Variants in NFIX observed in about 807,000 individuals in gnomAD.
The protein encoded by NFIX is nuclear factor 1 X-type.
Under a neutral mutation model 53.3 loss-of-function variants are expected in NFIX, and 2 were observed. That is an observed-to-expected ratio of 0.04 (90% CI 0.02 to 0.12). The LOEUF is 0.12. Among genes scored for constraint, NFIX ranks in the 10% least tolerant of loss-of-function variants. The probability of loss-of-function intolerance (pLI) is 1.00; values close to 1 mark genes in which losing one functional copy is unlikely to be tolerated. For synonymous variants in NFIX, 244 were observed against 289.0 expected, an observed-to-expected ratio of 0.84 and a Z score of 1.58; for missense variants, 310 against 674.5, an observed-to-expected ratio of 0.46 and a Z score of 5.99.
intron 1 of NFIX, among the ~76,000 whole-genome samples, chr19:13,019,868 G>T (rs942912069): frequency 1.3e-5 from 2 of 151,338 alleles, no homozygotes; most frequent in Non-Finnish European, 2.9e-5. Flanking sequence ...GCTTCTCGAT[G>T]ATTTTTCTCT....
chr19:13,080,349 T>A (rs1314999969), intron 7 of NFIX, among the ~76,000 whole-genome samples: 1 of 152,172 alleles, frequency 6.6e-6, no homozygotes, highest in Non-Finnish European at 1.5e-5. Context: ...AGCCTTGAAC[T>A]CCCAGACTCA....
intron 2 of NFIX, among the ~76,000 whole-genome samples, chr19:13,026,394 ACT>A (rs942678034): frequency 4.6e-5 from 7 of 151,554 alleles, no homozygotes; most frequent in Middle Eastern, 3.4e-3. Context: ...AAAAAAAAAA[ACT>A]CTGTAAAATC....
chr19:13,025,132 C>G lies in NFIX; in HGVS notation c.139C>G (p.Arg47Gly). Reference protein sequence around the residue: ...KRKYFKKHEKRMSKDEERAVK... With the variant: ...KRKYFKKHEKGMSKDEERAVK... ...CAAGTACTTCAAGAAGCATGAAAAG[C>G]GGATGTCGAAGGACGAGGAGCGGGC... is the stretch of plus-strand genomic sequence containing the variant. The change falls in exon 2 of 11, where the codon CGG (arginine) becomes GGG (glycine). Residue 47 changes from arginine to glycine, a missense_variant. Arg to Gly is a moderately radical substitution (Grantham distance 125, BLOSUM62 -2). Around this residue, in one of 5 missense-constraint regions of NFIX, gnomAD observed 64 missense variants for 144.5 expected, o/e 0.44. Coordinates refer to ENST00000592199, the MANE Select transcript of NFIX (RefSeq NM_001365902.3). This position sits in a 1 kb window ranked among gnomAD's most constrained non-coding sequence, Gnocchi z 7.5. The G allele has an allele frequency of 6.2e-7, 1 of 1,614,200 alleles. No individual in the cohort carries two copies. The highest frequency in any genetic ancestry group is 8.5e-7 in the Non-Finnish European group (1 of 1,180,040).
rs10409891 is a variant in NFIX at position 13,052,456 on chromosome 19, G to A, written c.560-20591G>A. ...GGTCACCTGAGGATGTCCTGGTGACGATGCAGGAGCTGCCAGGCAGGACCA... is the reference window on the plus strand; with the variant it reads ...GGTCACCTGAGGATGTCCTGGTGACAATGCAGGAGCTGCCAGGCAGGACCA... On this transcript the variant is annotated intron_variant, in intron 2 of 10. Transcript: ENST00000592199. This position sits in a 1 kb window ranked among gnomAD's most constrained non-coding sequence, Gnocchi z 5.2. Among the ~76,000 whole-genome samples the A allele has an allele frequency of 2.0e-5, 3 of 152,296 alleles. No homozygotes were observed. The highest frequency in any genetic ancestry group is 4.4e-5 in the Non-Finnish European group (3 of 68,014).
At chr19:13,023,902 C>T (rs2013113568) in intron 1 of NFIX, 2 of 745,356 alleles carry the variant, frequency 2.7e-6, no homozygotes, top group African/African-American at 1.8e-5. Context: ...ATAATAACCC[C>T]CTTTAAAACA....
At chr19:13,026,739 T>G (rs1190326795) in intron 2 of NFIX, among the ~76,000 whole-genome samples, 2 of 150,738 alleles carry the variant, frequency 1.3e-5, no homozygotes, top group African/African-American at 4.9e-5. Flanking sequence ...TCTCTCTCTC[T>G]CTCTCTGTGT....
chr19:13,023,801 C>T (rs2013105199), intron 1 of NFIX, among the ~76,000 whole-genome samples: 1 of 150,612 alleles, frequency 6.6e-6, no homozygotes, highest in African/African-American at 2.4e-5. Flanking sequence ...ATATTAATTT[C>T]CCCCTTCTGT....
chr19:13,003,367 A>G lies in NFIX; in HGVS notation c.27+7503A>G, dbSNP rs529247494. Among the ~76,000 whole-genome samples, 21 of 152,292 alleles carry G rather than the reference A, an allele frequency of 1.4e-4. No homozygotes were observed. The South Asian group carries it at 4.4e-3, about 32-fold the overall frequency. ...ACGGGACACGCGCAGTCACACGATC[A>G]CATGCCATGAAGCACACAGCACAGA... On this transcript the variant is annotated intron_variant, in intron 1 of 10. Coordinates refer to ENST00000592199, the MANE Select transcript of NFIX (RefSeq NM_001365902.3).
rs945552227 is a variant in NFIX at position 13,012,583 on chromosome 19, C to T, written c.28-12438C>T. ...TTTTTGCCTTAAGGCTAGTTTGTCC[C>T]CCAGGCGCGCGGGGGTTGGGGGTTC... On this transcript the variant is annotated intron_variant, in intron 1 of 10. Coordinates refer to ENST00000592199, the MANE Select transcript of NFIX (RefSeq NM_001365902.3). The surrounding 1 kb of genome is among the most constrained non-coding windows in gnomAD (Gnocchi z 5.0). Among the ~76,000 whole-genome samples, 11 of 152,292 alleles carry T rather than the reference C, an allele frequency of 7.2e-5. 1 individual carries two copies. The highest frequency in any genetic ancestry group is 5.9e-4 in the Admixed American group (9 of 15,302).
At chr19:13,056,473 C>T (rs914590342) in intron 2 of NFIX, among the ~76,000 whole-genome samples, 1 of 152,174 alleles carries the variant, frequency 6.6e-6, no homozygotes, top group Admixed American at 6.5e-5. Context: ...CCCACCCACC[C>T]GGTGGTATTC....
Position 13,051,683 on chromosome 19 carries a change from C to T in NFIX, c.560-21364C>T, listed in dbSNP as rs905205631. Among the ~76,000 whole-genome samples, 3 of 152,198 alleles carry T rather than the reference C, an allele frequency of 2.0e-5. No homozygotes were observed. The South Asian group carries it at 6.2e-4, about 31-fold the overall frequency. ...CCTCCTCCTCCCTTCTTGGCCCTCT[C>T]CTCTCCCTGGGCCTCTTCCCCACGT... is the stretch of plus-strand genomic sequence containing the variant. On this transcript the variant is annotated intron_variant, in intron 2 of 10. Coordinates refer to ENST00000592199, the MANE Select transcript of NFIX (RefSeq NM_001365902.3). The surrounding 1 kb of genome is among the most constrained non-coding windows in gnomAD (Gnocchi z 5.1).
chr19:13,075,924 C>T (rs2017073221), intron 6 of NFIX, among the ~76,000 whole-genome samples: 1 of 152,068 alleles, frequency 6.6e-6, no homozygotes, highest in Admixed American at 6.5e-5. Flanking sequence ...AGAGGGGGTG[C>T]CAAGCCTCTG....
In NFIX at chr19:13,094,824, C is replaced by G; in HGVS notation, c.*175C>G. On this transcript the variant is annotated 3_prime_UTR_variant, in exon 11 of 11. Coordinates refer to ENST00000592199, the MANE Select transcript of NFIX (RefSeq NM_001365902.3). The surrounding 1 kb of genome is among the most constrained non-coding windows in gnomAD (Gnocchi z 4.3). ...CTCCAGCCCGGGGACCCCCGCGGGCCCCAGAAGCAGCCCAGTTCTCAGAGA... is the reference window on the plus strand; with the variant it reads ...CTCCAGCCCGGGGACCCCCGCGGGCGCCAGAAGCAGCCCAGTTCTCAGAGA... 1 of 650,450 alleles carries G rather than the reference C, an allele frequency of 1.5e-6. No individual in the cohort carries two copies. The highest frequency in any genetic ancestry group is 2.6e-6 in the Non-Finnish European group (1 of 380,898). The allele number at this position is 650,450 out of a possible 1,614,324, so 40.3% of individuals were successfully genotyped here. A position where few individuals can be genotyped will look rare whatever the true frequency, so the allele number is the denominator to read the frequency against.
intron 2 of NFIX, among the ~76,000 whole-genome samples, chr19:13,062,934 A>G (rs1474782560): frequency 6.6e-6 from 1 of 152,168 alleles, no homozygotes; most frequent in East Asian, 1.9e-4. Context: ...CCTAACTCCC[A>G]CTTCCCCTTC....
In NFIX at chr19:13,072,148, G is replaced by C. The variant is rs150145805; in HGVS notation, c.560-899G>C. Among the ~76,000 whole-genome samples, 2 of 152,120 alleles carry C rather than the reference G, an allele frequency of 1.3e-5. No individual in the cohort carries two copies. The highest frequency in any genetic ancestry group is 4.8e-5 in the African/African-American group (2 of 41,422). Reference sequence around the variant, plus strand: ...CCTGGCCCCCCTCCACCACCCTCTCGCCAGCTGTCATGCCCAGGCAGGCAT... The same window carrying C: ...CCTGGCCCCCCTCCACCACCCTCTCCCCAGCTGTCATGCCCAGGCAGGCAT... On this transcript the variant is annotated intron_variant, in intron 2 of 10. Coordinates refer to ENST00000592199, the MANE Select transcript of NFIX (RefSeq NM_001365902.3). This position sits in a 1 kb window ranked among gnomAD's most constrained non-coding sequence, Gnocchi z 4.0.
chr19:13,036,109 G>A lies in NFIX; in HGVS notation c.559+10557G>A, dbSNP rs960763473. Among the ~76,000 whole-genome samples the A allele has an allele frequency of 2.6e-5, 4 of 152,210 alleles. No homozygotes were observed. Among genetic ancestry groups the A allele is most frequent in the Admixed American group, 6.5e-5 (1 of 15,284 alleles). ...CTGAGATCCCCACCAAGGGGGCTGC[G>A]GCTGGAGGGAGGGGCCCCTGGGAAG... On this transcript the variant is annotated intron_variant, in intron 2 of 10. Coordinates refer to ENST00000592199, the MANE Select transcript of NFIX (RefSeq NM_001365902.3). The surrounding 1 kb of genome is among the most constrained non-coding windows in gnomAD (Gnocchi z 4.7).
At chr19:13,015,826 G>C (rs1196633434) in intron 1 of NFIX, among the ~76,000 whole-genome samples, 1 of 151,968 alleles carries the variant, frequency 6.6e-6, no homozygotes, top group Non-Finnish European at 1.5e-5. Flanking sequence ...ACACGCACAC[G>C]CACTCTGCAG....
rs1204172164 is a variant in NFIX, at chr19:13,013,302, G to C, written c.28-11719G>C. ...GTTGGTGGAGGAGGAAGCTGGCGTC[G>C]GGCTGAAGTCCCCCGAGCCACCCCT... On this transcript the variant is annotated intron_variant, in intron 1 of 10. Transcript: ENST00000592199. The surrounding 1 kb of genome is among the most constrained non-coding windows in gnomAD (Gnocchi z 5.9). 6.6e-6 allele frequency among the ~76,000 whole-genome samples: 1 copy of C among 152,126 alleles called. No homozygotes were observed. Among genetic ancestry groups the C allele is most frequent in the East Asian group, 1.9e-4 (1 of 5,190 alleles).
chr19:13,091,744 C>G (rs2018152528), intron 10 of NFIX, among the ~76,000 whole-genome samples: 1 of 152,178 alleles, frequency 6.6e-6, no homozygotes, highest in Non-Finnish European at 1.5e-5. Context: ...CCTCCCAGCT[C>G]TGGGCTGGCA....
Sources: gnomAD v4.1 joint callset for allele counts (sites outside exome capture counted in the v4.1 genomes callset) on GRCh38, gnomAD v4.1.1 for gene constraint, gnomAD v4.1.1 regional missense constraint, Gnocchi (gnomAD v3.1) non-coding constraint, MANE v1.5 for transcripts, NCBI Gene and HGNC (gene_info 2026-07-23, HGNC 2026-07-21) for gene names.